RFPL1: variants seen among roughly 807,000 people sequenced by gnomAD.
The protein encoded by RFPL1 is ret finger protein like 1.
Under a neutral mutation model 9.6 loss-of-function variants are expected in RFPL1, and 6 were observed. The observed-to-expected ratio is 0.62, with a 90% CI of 0.34 to 1.23. RFPL1 has a LOEUF of 1.23. Among genes scored for constraint, RFPL1 ranks in the 50% most tolerant of loss-of-function variants. The pLI, the probability that RFPL1 is intolerant of heterozygous loss-of-function variation, is 0.03. For synonymous variants in RFPL1, 145 were observed against 149.4 expected, an observed-to-expected ratio of 0.97 and a Z score of 0.22; for missense variants, 352 against 398.4, an observed-to-expected ratio of 0.88 and a Z score of 0.99.
the RFPL1 span, among the ~76,000 whole-genome samples, chr22:29,398,645 G>A: frequency 6.6e-6 from 1 of 152,150 alleles, no homozygotes; most frequent in African/African-American, 2.4e-5. Flanking sequence ...CCCATTCCTC[G>A]GGGCTGCTAT....
exon 2 of RFPL1, chr22:29,442,250 T>C: frequency 1.6e-6 from 1 of 607,202 alleles, no homozygotes; most frequent in East Asian, 2.9e-5. Context: ...TTCATGATTA[T>C]ACTTAATCTA....
the RFPL1 span, among the ~76,000 whole-genome samples, chr22:29,425,966 C>T: frequency 2.0e-5 from 3 of 151,960 alleles, no homozygotes; most frequent in Non-Finnish European, 4.4e-5. Context: ...TTTAGAGACA[C>T]GAATGGAATA....
the RFPL1 span, among the ~76,000 whole-genome samples, chr22:29,421,076 C>G: frequency 3.9e-5 from 6 of 152,096 alleles, no homozygotes; most frequent in Non-Finnish European, 7.4e-5. Context: ...GTAACGTAAA[C>G]CCAATGCCAG....
At chr22:29,429,243 C>G in the RFPL1 span, among the ~76,000 whole-genome samples, 1 of 151,984 alleles carries the variant, frequency 6.6e-6, no homozygotes. Context: ...TTTGTAGAGA[C>G]GAGGGTCTTA....
At chr22:29,436,309 A>T (rs2062808318), upstream of RFPL1, among the ~76,000 whole-genome samples, 1 of 152,032 alleles carries the variant, frequency 6.6e-6, no homozygotes, top group Admixed American at 6.6e-5. Context: ...AAGAAATAAT[A>T]AATACAGGCG....
chr22:29,410,227 ATAGATATATATATAG>A, the RFPL1 span, among the ~76,000 whole-genome samples: 1 of 138,266 alleles, frequency 7.2e-6, no homozygotes, highest in Non-Finnish European at 1.5e-5. Flanking sequence ...ATATATATAT[ATAGATATATATATAG>A]TAGATATATA....
the RFPL1 span, among the ~76,000 whole-genome samples, chr22:29,388,847 G>C: frequency 2.0e-5 from 3 of 152,126 alleles, no homozygotes; most frequent in Non-Finnish European, 4.4e-5. Flanking sequence ...GTTCTAAGAG[G>C]GGCAGGGTTT....
the RFPL1 span, among the ~76,000 whole-genome samples, chr22:29,412,256 G>A: frequency 6.6e-6 from 1 of 152,166 alleles, no homozygotes; most frequent in Non-Finnish European, 1.5e-5. Context: ...GGACAGATAA[G>A]TTTTCATTTT....
chr22:29,388,987 T>TC, the RFPL1 span, among the ~76,000 whole-genome samples: 14 of 152,230 alleles, frequency 9.2e-5, no homozygotes, highest in South Asian at 2.7e-3. Context: ...GGTGATCCTC[T>TC]CACCTCAGCC....
the RFPL1 span, among the ~76,000 whole-genome samples, chr22:29,407,574 T>C: frequency 0.96 from 144,441 of 151,192 alleles, 69,047 homozygotes; most frequent in East Asian, 1. Context: ...ATCATTGATT[T>C]AATTTCTAAA....
chr22:29,406,206 C>G, the RFPL1 span, among the ~76,000 whole-genome samples: 10 of 140,846 alleles, frequency 7.1e-5, no homozygotes, highest in Non-Finnish European at 1.1e-4. Context: ...CCCATGGAAA[C>G]AGTGAAGTCA....
upstream of RFPL1, chr22:29,438,455 T>G: frequency 2.6e-5 from 11 of 424,170 alleles, no homozygotes; most frequent in East Asian, 1.4e-4. Flanking sequence ...AGTGCTGGGA[T>G]TATAGGCCTG....
At chr22:29,403,434 G>A in the RFPL1 span, among the ~76,000 whole-genome samples, 1 of 152,176 alleles carries the variant, frequency 6.6e-6, no homozygotes, top group Non-Finnish European at 1.5e-5. Flanking sequence ...ACAGCCTGGG[G>A]ATTACTGTTA....
the RFPL1 span, among the ~76,000 whole-genome samples, chr22:29,413,976 C>T: frequency 1.3e-5 from 2 of 152,204 alleles, no homozygotes; most frequent in Non-Finnish European, 2.9e-5. Flanking sequence ...GCATATTTTA[C>T]TTACCTTATA....
At chr22:29,398,103 C>T in the RFPL1 span, among the ~76,000 whole-genome samples, 27 of 152,166 alleles carry the variant, frequency 1.8e-4, no homozygotes, top group Middle Eastern at 3.2e-3. Flanking sequence ...GCTGGTGGTA[C>T]GAAGCTGGTT....
At chr22:29,418,917 C>T in the RFPL1 span, among the ~76,000 whole-genome samples, 1 of 152,222 alleles carries the variant, frequency 6.6e-6, no homozygotes, top group Non-Finnish European at 1.5e-5. Context: ...CCATCACCTG[C>T]TGCCTTTCCC....
chr22:29,409,521 T>C, the RFPL1 span, among the ~76,000 whole-genome samples: 1 of 152,136 alleles, frequency 6.6e-6, no homozygotes, highest in African/African-American at 2.4e-5. Flanking sequence ...CCAAGGCTCC[T>C]TGTGGGATTC....
At position 29,438,999 on chromosome 22, in the gene RFPL1, G is replaced by T; in HGVS notation, c.208G>T (p.Glu70Ter). The T allele has an allele frequency of 1.9e-6, 3 of 1,614,026 alleles. No individual in the cohort carries two copies. The highest frequency in any genetic ancestry group is 2.5e-6 in the Non-Finnish European group (3 of 1,179,976). ...CAAGTGCATCAATTCACTGCAGAAG[G>T]AGCCCCATGGGGAGGATCTACTTTG... Residue 70 changes from glutamate (E) to a stop codon, truncating the protein, a stop_gained, in exon 1 of 2, where the codon GAG becomes TAG. Transcript: ENST00000354373. LOFTEE classifies it high-confidence loss of function.
At chr22:29,416,035 T>C in the RFPL1 span, among the ~76,000 whole-genome samples, 2 of 152,306 alleles carry the variant, frequency 1.3e-5, no homozygotes, top group East Asian at 1.9e-4. Context: ...TGCTCTTACT[T>C]TGTGGTCACC....
Sources: gnomAD v4.1 joint callset for allele counts (sites outside exome capture counted in the v4.1 genomes callset) on GRCh38, gnomAD v4.1.1 for gene constraint, MANE v1.5 for transcripts, NCBI Gene and HGNC (gene_info 2026-07-23, HGNC 2026-07-21) for gene names.